The following MAST4 variants were observed in gnomAD, a reference collection of about 807,000 sequenced individuals.
The protein encoded by MAST4 is microtubule associated serine/threonine kinase family member 4.
Under a neutral mutation model 162.7 loss-of-function variants are expected in MAST4, and 89 were observed. That is an observed-to-expected ratio of 0.55 (90% CI 0.46 to 0.65). The LOEUF (loss-of-function observed/expected upper bound fraction) is 0.65, where lower values mean the gene tolerates loss of function less well. Among genes scored for constraint, MAST4 ranks in the 30% least tolerant of loss-of-function variants. The pLI is 0.00. For missense variants in MAST4, 3,153 were observed against 3,374.0 expected (o/e 0.93, Z 1.62); for synonymous variants, 1,479 against 1,361.1 (o/e 1.09, Z -1.91).
intron 3 of MAST4, among the ~76,000 whole-genome samples, chr5:66,889,625 C>T (rs944794340): frequency 3.3e-5 from 5 of 152,210 alleles, no homozygotes; most frequent in Non-Finnish European, 5.9e-5. Flanking sequence ...GTGTGGGTCA[C>T]ATACCCTTGC....
intron 1 of MAST4, among the ~76,000 whole-genome samples, chr5:66,709,851 G>T (rs16895521): frequency 0.018 from 2,806 of 152,260 alleles, 85 homozygotes; most frequent in African/African-American, 0.063. Flanking sequence ...GTGGATATTA[G>T]GGAGATTTTA....
At chr5:66,679,376 A>G (rs1039996687) in intron 1 of MAST4, among the ~76,000 whole-genome samples, 3 of 152,192 alleles carry the variant, frequency 2.0e-5, no homozygotes, top group Non-Finnish European at 4.4e-5. Context: ...TCTGGTAGAA[A>G]TCAAAGACAC....
chr5:66,640,818 A>G (rs1390924817), intron 1 of MAST4, among the ~76,000 whole-genome samples: 1 of 152,054 alleles, frequency 6.6e-6, no homozygotes, highest in Non-Finnish European at 1.5e-5. Flanking sequence ...ACTGTTTTTC[A>G]TAATGGCTGT....
chr5:67,060,844 G>A (rs954094603), intron 5 of MAST4, among the ~76,000 whole-genome samples: 3 of 152,028 alleles, frequency 2.0e-5, no homozygotes, highest in African/African-American at 7.3e-5. Context: ...TGTGTAGTTG[G>A]GCCGTAAGGG....
At chr5:66,657,908 G>T (rs1382130804) in intron 1 of MAST4, among the ~76,000 whole-genome samples, 2 of 152,230 alleles carry the variant, frequency 1.3e-5, no homozygotes, top group African/African-American at 2.4e-5. Flanking sequence ...GTAAAAAGTT[G>T]AAACATACTT....
intron 1 of MAST4, among the ~76,000 whole-genome samples, chr5:66,637,492 G>C (rs935357151): frequency 2.0e-5 from 3 of 151,950 alleles, no homozygotes; most frequent in African/African-American, 7.3e-5. Context: ...TGTGTCCTTG[G>C]ACATTTTTCT....
At chr5:66,607,858 C>T (rs1742991169) in intron 1 of MAST4, among the ~76,000 whole-genome samples, 1 of 152,078 alleles carries the variant, frequency 6.6e-6, no homozygotes, top group South Asian at 2.1e-4. Flanking sequence ...TTGACATTTT[C>T]TTTTTGACGG....
In MAST4 at chr5:67,165,137, T is replaced by G; in HGVS notation, c.5958T>G (p.Ser1986=). The G allele has an allele frequency of 6.3e-7, 1 of 1,591,018 alleles. No homozygotes were observed. Among genetic ancestry groups the G allele is most frequent in the South Asian group, 1.1e-5 (1 of 88,080 alleles). ...CTCCCACAGCCAGAAGCGAGCGCTC[T>G]GCTGCGAGGGCTGACACATGCAGAG... ...RGPPTARSER[S]AARADTCREP... The change falls in exon 29 of 29, where the codon TCT becomes TCG. Residue 1986 remains serine, a synonymous_variant. Transcript: ENST00000403625.
At chr5:66,750,993 C>A (rs933508177) in intron 1 of MAST4, among the ~76,000 whole-genome samples, 2 of 152,146 alleles carry the variant, frequency 1.3e-5, no homozygotes, top group Non-Finnish European at 2.9e-5. Flanking sequence ...TGACCCCTGA[C>A]CCCCAAGCAG....
At chr5:67,082,763 C>T (rs374602151) in intron 5 of MAST4, among the ~76,000 whole-genome samples, 10 of 152,126 alleles carry the variant, frequency 6.6e-5, no homozygotes, top group African/African-American at 2.4e-4. Flanking sequence ...ATGTTTCTGA[C>T]TTATTTAAAT....
chr5:66,986,298 G>T (rs1295893007), intron 4 of MAST4: 2 of 491,718 alleles, frequency 4.1e-6, no homozygotes, highest in Non-Finnish European at 7.3e-6. Context: ...GTCTGGAAAG[G>T]GAAACTGAGC....
chr5:66,776,432 T>C (rs1754605568), intron 2 of MAST4, among the ~76,000 whole-genome samples: 1 of 152,218 alleles, frequency 6.6e-6, no homozygotes, highest in South Asian at 2.1e-4. Flanking sequence ...TTAGCTTACC[T>C]TGAAAATAGA....
At position 67,102,587 on chromosome 5, in the gene MAST4, T is replaced by C. The variant is rs778926072; in HGVS notation, c.1122T>C (p.His374=). ...CCDHEIIMMN[H]VYKERFPKAT... ...ACCATGAAATAATTATGATGAACCA[T>C]GTCTACAAAGAAAGGTTCCCAAAGG... The change falls in exon 9 of 29, where the codon CAT becomes CAC. Residue 374 remains histidine, a synonymous_variant. Coordinates refer to ENST00000403625, the MANE Select transcript of MAST4 (RefSeq NM_001164664.2). The C allele has an allele frequency of 6.2e-7, 1 of 1,613,906 alleles. No individual in the cohort carries two copies. Among genetic ancestry groups the C allele is most frequent in the Non-Finnish European group, 8.5e-7 (1 of 1,179,812 alleles).
intron 1 of MAST4, among the ~76,000 whole-genome samples, chr5:66,624,656 T>G (rs1319800050): frequency 6.6e-6 from 1 of 152,162 alleles, no homozygotes; most frequent in Non-Finnish European, 1.5e-5. Flanking sequence ...ATTACAACGC[T>G]ATAGTAATCA....
At chr5:66,788,611 G>A in intron 2 of MAST4, 59 bp from the exon 3 acceptor site, 1 of 485,380 alleles carries the variant, frequency 2.1e-6, no homozygotes, top group Non-Finnish European at 3.4e-6. Flanking sequence ...CACCCCCATT[G>A]CAATAAGACT....
At chr5:67,078,696 ATT>A (rs1419979386) in intron 5 of MAST4, among the ~76,000 whole-genome samples, 35 of 135,744 alleles carry the variant, frequency 2.6e-4, no homozygotes, top group African/African-American at 9.5e-4. Context: ...ATATTTATAT[ATT>A]TATATATAAT....
At chr5:67,015,714 G>T (rs1013521486) in intron 4 of MAST4, among the ~76,000 whole-genome samples, 2 of 152,158 alleles carry the variant, frequency 1.3e-5, no homozygotes, top group Admixed American at 6.5e-5. Context: ...TATAAATTCG[G>T]CCAAAAGACA....
chr5:66,972,730 A>G (rs1747597430), intron 4 of MAST4, among the ~76,000 whole-genome samples: 1 of 152,122 alleles, frequency 6.6e-6, no homozygotes, highest in South Asian at 2.1e-4. Context: ...TCCTATGATC[A>G]GTCTCCATCC....
At chr5:66,873,278 G>C (rs1260872373) in intron 3 of MAST4, among the ~76,000 whole-genome samples, 1 of 152,196 alleles carries the variant, frequency 6.6e-6, no homozygotes, top group East Asian at 1.9e-4. Flanking sequence ...GCCACGGTTT[G>C]CTGTGTGGAT....
Sources: gnomAD v4.1 joint callset for allele counts (sites outside exome capture counted in the v4.1 genomes callset) on GRCh38, gnomAD v4.1.1 for gene constraint, MANE v1.5 for transcripts, NCBI Gene and HGNC (gene_info 2026-07-23, HGNC 2026-07-21) for gene names.